The following DOCK2 variants were observed in gnomAD, a reference collection of about 807,000 sequenced individuals.
DOCK2 encodes dedicator of cytokinesis 2, also known as dedicator of cytokinesis protein 2.
Under a neutral mutation model 248.9 loss-of-function variants are expected in DOCK2, and 87 were observed. That is an observed-to-expected ratio of 0.35 (90% confidence interval 0.29 to 0.42). The LOEUF is 0.42. Among genes scored for constraint, DOCK2 ranks in the 10% least tolerant of loss-of-function variants. The pLI is 1.00. For synonymous variants in DOCK2, 805 were observed against 821.6 expected, an observed-to-expected ratio of 0.98 and a Z score of 0.35; for missense variants, 1,747 against 2,300.2, an observed-to-expected ratio of 0.76 and a Z score of 4.92.
intron 2 of DOCK2, among the ~76,000 whole-genome samples, chr5:169,658,593 T>G (rs1038822283): frequency 7.9e-5 from 12 of 152,082 alleles, no homozygotes; most frequent in Non-Finnish European, 1.6e-4. Context: ...TCATTCTATG[T>G]ATATAAATAT....
intron 27 of DOCK2, among the ~76,000 whole-genome samples, chr5:169,927,240 G>T (rs779875108): frequency 6.6e-6 from 1 of 152,192 alleles, no homozygotes; most frequent in Non-Finnish European, 1.5e-5. Flanking sequence ...AGCTTCAGAT[G>T]AATTCGGAGA....
intron 25 of DOCK2, among the ~76,000 whole-genome samples, chr5:169,788,040 C>A (rs1380171570): frequency 6.6e-6 from 1 of 152,158 alleles, no homozygotes; most frequent in African/African-American, 2.4e-5. Context: ...TTTAGCCAAT[C>A]ATTCCTTTGA....
intron 26 of DOCK2, among the ~76,000 whole-genome samples, chr5:169,809,233 T>C (rs1412296710): frequency 6.6e-6 from 1 of 152,150 alleles, no homozygotes; most frequent in Non-Finnish European, 1.5e-5. Flanking sequence ...TTAAGTGATC[T>C]GCCCACCTCC....
At chr5:169,952,425 A>G (rs566893788) in intron 27 of DOCK2, among the ~76,000 whole-genome samples, 3 of 152,194 alleles carry the variant, frequency 2.0e-5, no homozygotes, top group African/African-American at 7.2e-5. Context: ...CTTTAAGTAA[A>G]GGACAAACAG....
chr5:169,930,417 T>C (rs1294543418), intron 27 of DOCK2, among the ~76,000 whole-genome samples: 1 of 152,220 alleles, frequency 6.6e-6, no homozygotes, highest in Non-Finnish European at 1.5e-5. Flanking sequence ...CAGAGCCTCT[T>C]AGGGTAATGT....
intron 27 of DOCK2, among the ~76,000 whole-genome samples, chr5:169,900,499 G>T (rs187225796): frequency 6.6e-6 from 1 of 152,296 alleles, no homozygotes; most frequent in Non-Finnish European, 1.5e-5. Flanking sequence ...GACCTTATTG[G>T]CCAAACAGAT....
At chr5:169,972,298 G>A (rs960241478) in intron 27 of DOCK2, among the ~76,000 whole-genome samples, 1 of 152,094 alleles carries the variant, frequency 6.6e-6, no homozygotes, top group Non-Finnish European at 1.5e-5. Context: ...TTATCATTTA[G>A]TATCATAATG....
chr5:169,861,418 G>A (rs1771188607), intron 27 of DOCK2, among the ~76,000 whole-genome samples: 1 of 152,210 alleles, frequency 6.6e-6, no homozygotes, highest in African/African-American at 2.4e-5. Context: ...CTATAGATGA[G>A]CTGGTATTAA....
chr5:169,861,379 C>T (rs778767939), intron 27 of DOCK2, among the ~76,000 whole-genome samples: 1 of 152,186 alleles, frequency 6.6e-6, no homozygotes, highest in African/African-American at 2.4e-5. Context: ...CAAAACCTTA[C>T]ATCAGTACAT....
chr5:169,706,884 G>A (rs1398914269), intron 14 of DOCK2, among the ~76,000 whole-genome samples: 1 of 152,186 alleles, frequency 6.6e-6, no homozygotes, highest in Non-Finnish European at 1.5e-5. Context: ...CCCCAGGTTA[G>A]CATGGTTGGC....
chr5:169,800,110 A>C (rs1766877458), intron 25 of DOCK2, among the ~76,000 whole-genome samples: 1 of 152,196 alleles, frequency 6.6e-6, no homozygotes, highest in Non-Finnish European at 1.5e-5. Flanking sequence ...CAGCCCCAAC[A>C]ATATCTTCAG....
chr5:169,839,302 T>C (rs1769794124), intron 26 of DOCK2, among the ~76,000 whole-genome samples: 1 of 152,232 alleles, frequency 6.6e-6, no homozygotes, highest in East Asian at 1.9e-4. Flanking sequence ...GACCCAGGCA[T>C]GTAAGTTCTT....
At chr5:170,059,738 A>G (rs1757263308) in intron 44 of DOCK2, among the ~76,000 whole-genome samples, 1 of 152,252 alleles carries the variant, frequency 6.6e-6, no homozygotes, top group South Asian at 2.1e-4. Context: ...GAATACTTAC[A>G]TAAATTAATC....
intron 26 of DOCK2, among the ~76,000 whole-genome samples, chr5:169,812,964 G>A (rs1411530136): frequency 3.3e-5 from 5 of 152,262 alleles, no homozygotes; most frequent in Admixed American, 6.5e-5. Flanking sequence ...GCCGGGAAGC[G>A]GCAGATGCTG....
chr5:169,747,894 G>A (rs1220021181), intron 23 of DOCK2, among the ~76,000 whole-genome samples: 1 of 152,246 alleles, frequency 6.6e-6, no homozygotes, highest in African/African-American at 2.4e-5. Context: ...GCTTTGGAGA[G>A]AATGAGTCCT....
At chr5:169,825,833 AAAG>A (rs1357014340) in intron 26 of DOCK2, among the ~76,000 whole-genome samples, 3 of 149,196 alleles carry the variant, frequency 2.0e-5, no homozygotes, top group African/African-American at 7.4e-5. Flanking sequence ...ATTAAAAAAA[AAAG>A]AAAAAAACAA....
intron 27 of DOCK2, chr5:169,934,929 T>C (rs1581440656): frequency 3.0e-6 from 1 of 331,838 alleles, no homozygotes; most frequent in East Asian, 8.0e-5. Context: ...CCTGAGAAAG[T>C]AGTATAGAAA....
Position 170,082,922 on chromosome 5 carries a change from T to C in DOCK2, c.*64T>C, listed in dbSNP as rs1758085114. ...GGGAGTTTCTGGAAGAGGAAAGCCA[T>C]GCGTGGAACATCGAAGCCTCAGAGA... On this transcript the variant is annotated 3_prime_UTR_variant, in exon 52 of 52. Coordinates refer to ENST00000520908, the MANE Select transcript of DOCK2 (RefSeq NM_004946.3). The C allele has an allele frequency of 1.9e-6, 3 of 1,606,078 alleles. No individual in the cohort carries two copies. Among genetic ancestry groups the C allele is most frequent in the Non-Finnish European group, 1.7e-6 (2 of 1,173,360 alleles).
At chr5:169,773,039 C>A (rs1765180510) in intron 25 of DOCK2, 1 of 152,166 alleles carries the variant, frequency 6.6e-6, no homozygotes, top group African/African-American at 2.4e-5. Context: ...CCCACTTTGC[C>A]CGTTTCAACT....
Sources: allele counts gnomAD v4.1 joint callset (sites outside exome capture counted in the v4.1 genomes callset), GRCh38; gene constraint gnomAD v4.1.1; transcripts MANE v1.5; gene names NCBI Gene and HGNC (gene_info 2026-07-23, HGNC 2026-07-21).